ROBO2: variants seen among roughly 807,000 people sequenced by gnomAD.
ROBO2 encodes roundabout homolog 2.
A neutral mutation model predicts 160.8 loss-of-function variants in ROBO2; 53 were observed. The observed-to-expected ratio is 0.33, with a 90% CI of 0.26 to 0.41. The LOEUF (loss-of-function observed/expected upper bound fraction) is 0.41, where lower values mean the gene tolerates loss of function less well. ROBO2 is among the 10% of genes least tolerant of loss of function. The pLI, the probability that ROBO2 is intolerant of heterozygous loss-of-function variation, is 1.00. For missense variants in ROBO2, 1,577 were observed against 1,722.4 expected, an observed-to-expected ratio of 0.92 and a Z score of 1.49; for synonymous variants, 664 against 611.7, an observed-to-expected ratio of 1.09 and a Z score of -1.26.
intron 1 of ROBO2, among the ~76,000 whole-genome samples, chr3:77,097,695 A>G (rs1488662541): frequency 2.0e-5 from 3 of 152,128 alleles, no homozygotes; most frequent in African/African-American, 7.2e-5. Context: ...TGAGGACAGG[A>G]AATTAGTCTT....
At chr3:76,429,116 A>T (rs556082341) in intron 2 of ROBO2, among the ~76,000 whole-genome samples, 1 of 152,014 alleles carries the variant, frequency 6.6e-6, no homozygotes, top group South Asian at 2.1e-4. Flanking sequence ...GGATCCAAAC[A>T]TTAATAAGAT....
intron 2 of ROBO2, among the ~76,000 whole-genome samples, chr3:76,763,629 T>C (rs2061427007): frequency 6.6e-6 from 1 of 151,704 alleles, no homozygotes; most frequent in African/African-American, 2.4e-5. Context: ...TTCAACTAAT[T>C]CATAAAAACC....
chr3:77,139,640 C>A (rs529102486), intron 2 of ROBO2, among the ~76,000 whole-genome samples: 9 of 152,306 alleles, frequency 5.9e-5, no homozygotes, highest in African/African-American at 2.2e-4. Context: ...TGCATGCTCA[C>A]GGCAGAACAA....
At chr3:77,135,472 C>T (rs138957159) in intron 2 of ROBO2, among the ~76,000 whole-genome samples, 1,590 of 152,238 alleles carry the variant, frequency 0.01, 14 homozygotes, top group South Asian at 0.024. Context: ...GTGATCTCTG[C>T]TCCCTGCAGT....
chr3:76,318,739 A>G (rs970802590), intron 2 of ROBO2, among the ~76,000 whole-genome samples: 2 of 151,878 alleles, frequency 1.3e-5, no homozygotes, highest in Admixed American at 1.3e-4. Context: ...GAGCAATTTC[A>G]TTTTTTTTAG....
At chr3:76,511,265 A>G (rs2081072246) in intron 2 of ROBO2, among the ~76,000 whole-genome samples, 2 of 152,116 alleles carry the variant, frequency 1.3e-5, no homozygotes, top group South Asian at 4.1e-4. Flanking sequence ...CGTCCTTACT[A>G]TTTTCAAATA....
intron 2 of ROBO2, among the ~76,000 whole-genome samples, chr3:77,178,728 A>T (rs2080401399): frequency 6.6e-6 from 1 of 152,098 alleles, no homozygotes; most frequent in Non-Finnish European, 1.5e-5. Flanking sequence ...GACATATTTG[A>T]CTCAGATTGC....
At chr3:76,796,035 T>C (rs1483234932) in intron 2 of ROBO2, among the ~76,000 whole-genome samples, 3 of 152,154 alleles carry the variant, frequency 2.0e-5, no homozygotes, top group Non-Finnish European at 4.4e-5. Flanking sequence ...GAAAGGAATC[T>C]TCTTTCTGAG....
intron 2 of ROBO2, among the ~76,000 whole-genome samples, chr3:76,127,892 T>TGC (rs2071054758): frequency 1.3e-5 from 1 of 77,710 alleles, no homozygotes; most frequent in African/African-American, 3.9e-5. Flanking sequence ...TTGAAGACAT[T>TGC]TCTTTTTTTT....
chr3:76,233,281 T>C (rs1704733317), intron 2 of ROBO2, among the ~76,000 whole-genome samples: 1 of 152,092 alleles, frequency 6.6e-6, no homozygotes, highest in African/African-American at 2.4e-5. Flanking sequence ...GTAGCTGGGC[T>C]TACAGGCACT....
At chr3:76,745,665 T>C (rs1008367046) in intron 2 of ROBO2, among the ~76,000 whole-genome samples, 2 of 152,082 alleles carry the variant, frequency 1.3e-5, no homozygotes, top group African/African-American at 4.8e-5. Context: ...TACACCTCTA[T>C]GACAATTCTT....
chr3:76,902,352 G>A (rs2075299209), intron 2 of ROBO2, among the ~76,000 whole-genome samples: 1 of 151,908 alleles, frequency 6.6e-6, no homozygotes, highest in Non-Finnish European at 1.5e-5. Flanking sequence ...TGCTATGTAA[G>A]TTTATTAGTT....
intron 2 of ROBO2, among the ~76,000 whole-genome samples, chr3:77,012,404 G>C (rs1434654895): frequency 1.3e-5 from 2 of 152,130 alleles, no homozygotes; most frequent in African/African-American, 4.8e-5. Context: ...AAAAACAAAA[G>C]TTCATGCTCA....
At chr3:76,590,235 CTAA>C (rs1232014251) in intron 2 of ROBO2, among the ~76,000 whole-genome samples, 5 of 152,048 alleles carry the variant, frequency 3.3e-5, no homozygotes, top group African/African-American at 1.2e-4. Flanking sequence ...CAAATGTATG[CTAA>C]TATTATTTTA....
intron 2 of ROBO2, among the ~76,000 whole-genome samples, chr3:77,338,868 T>C (rs2066765445): frequency 6.6e-6 from 1 of 152,134 alleles, no homozygotes; most frequent in Admixed American, 6.6e-5. Context: ...TTACTCATAG[T>C]TGAGGCTAGA....
intron 2 of ROBO2, among the ~76,000 whole-genome samples, chr3:76,688,525 T>C (rs1286506416): frequency 6.6e-6 from 1 of 151,564 alleles, no homozygotes; most frequent in Admixed American, 6.6e-5. Context: ...CATTAAAGTA[T>C]GAAATAACTA....
At chr3:77,021,157 C>T (rs1332759371) in intron 2 of ROBO2, among the ~76,000 whole-genome samples, 6 of 152,006 alleles carry the variant, frequency 3.9e-5, no homozygotes, top group Admixed American at 2.0e-4. Context: ...GCTATAACTG[C>T]ACCATTGCAC....
At chr3:76,093,843 T>C (rs1452660349) in intron 2 of ROBO2, among the ~76,000 whole-genome samples, 1 of 152,156 alleles carries the variant, frequency 6.6e-6, no homozygotes, top group Non-Finnish European at 1.5e-5. Flanking sequence ...ACTACTTCTG[T>C]GTTATCAACT....
intron 2 of ROBO2, among the ~76,000 whole-genome samples, chr3:76,023,809 A>G (rs2066648563): frequency 6.6e-6 from 1 of 151,560 alleles, no homozygotes; most frequent in South Asian, 2.1e-4. Context: ...TGCTCAAGGC[A>G]GGCTGGCCAC....
Sources: gnomAD v4.1 joint callset for allele counts (sites outside exome capture counted in the v4.1 genomes callset) on GRCh38, gnomAD v4.1.1 for gene constraint, MANE v1.5 for transcripts, NCBI Gene and HGNC (gene_info 2026-07-23, HGNC 2026-07-21) for gene names.